The following PPP2R2B variants were observed in gnomAD, a reference collection of about 807,000 sequenced individuals.
PPP2R2B encodes serine/threonine-protein phosphatase 2A 55 kDa regulatory subunit B beta isoform.
Under a neutral mutation model 46.0 loss-of-function variants are expected in PPP2R2B, and 5 were observed. The observed-to-expected ratio is 0.11, with a 90% CI of 0.06 to 0.23. The LOEUF (loss-of-function observed/expected upper bound fraction) is 0.23. Ranked by LOEUF, PPP2R2B falls within the 10% of genes least tolerant of loss-of-function variation. The probability of loss-of-function intolerance (pLI) is 1.00; values close to 1 mark genes in which losing one functional copy is unlikely to be tolerated. For synonymous variants in PPP2R2B, 215 were observed against 206.7 expected (o/e 1.04, Z -0.34); for missense variants, 367 against 575.0 (o/e 0.64, Z 3.70).
At chr5:146,736,315 G>A (rs550948736) in intron 2 of PPP2R2B, among the ~76,000 whole-genome samples, 44 of 152,268 alleles carry the variant, frequency 2.9e-4, no homozygotes, top group African/African-American at 8.9e-4. Flanking sequence ...TTAGCAGCGT[G>A]AGAACAGACT....
chr5:147,002,397 C>T (rs1013725496), intron 1 of PPP2R2B, among the ~76,000 whole-genome samples: 4 of 152,168 alleles, frequency 2.6e-5, no homozygotes, highest in Non-Finnish European at 5.9e-5. Context: ...ACTCTTCCAA[C>T]TCTGGAGATC....
At chr5:146,592,291 A>C (rs1423396071) in intron 9 of PPP2R2B, 1 of 233,500 alleles carries the variant, frequency 4.3e-6, no homozygotes, top group African/African-American at 2.4e-5. Flanking sequence ...GAAAGCTTGA[A>C]TCTCTGAATG....
At chr5:146,912,406 G>T (rs947790248) in intron 1 of PPP2R2B, among the ~76,000 whole-genome samples, 5 of 152,108 alleles carry the variant, frequency 3.3e-5, no homozygotes, top group Non-Finnish European at 7.3e-5. Context: ...AGTGGGGAGA[G>T]AGTGAGCATT....
At chr5:146,959,121 G>C (rs1460840814) in intron 1 of PPP2R2B, among the ~76,000 whole-genome samples, 1 of 152,178 alleles carries the variant, frequency 6.6e-6, no homozygotes, top group Non-Finnish European at 1.5e-5. Flanking sequence ...ATTTAGTTCA[G>C]AGGGAGAGTA....
chr5:146,618,110 A>G (rs1205674533), intron 7 of PPP2R2B, among the ~76,000 whole-genome samples: 1 of 152,216 alleles, frequency 6.6e-6, no homozygotes, highest in Non-Finnish European at 1.5e-5. Flanking sequence ...ACAAGGGGGA[A>G]TTAAGGTTGC....
chr5:146,901,595 A>T (rs1171193339), intron 1 of PPP2R2B, among the ~76,000 whole-genome samples: 2 of 152,100 alleles, frequency 1.3e-5, no homozygotes, highest in Non-Finnish European at 2.9e-5. Context: ...TCATGAAACA[A>T]ATATTCATTA....
In PPP2R2B at chr5:146,650,664, T is replaced by C; in HGVS notation, c.508A>G (p.Asn170Asp). The change falls in exon 6 of 10, where the codon AAC becomes GAC. Residue 170 changes from asparagine (N) to aspartate (D), a missense_variant. Physicochemically the swap from Asn to Asp is conservative, Grantham distance 23. Coordinates refer to ENST00000394411, the MANE Select transcript of PPP2R2B (RefSeq NM_181675.4). ...GAGTTGATGTGATATGTGTGTGCGT[T>C]GGCAAATACTCTTCGTGGGGTGGCC... ...VEATPRRVFA[N>D]AHTYHINSIS... The C allele has an allele frequency of 6.2e-7, 1 of 1,614,068 alleles. No homozygotes were observed. The highest frequency in any genetic ancestry group is 1.3e-5 in the African/African-American group (1 of 75,050).
chr5:146,721,852 C>T (rs888070278), intron 2 of PPP2R2B, among the ~76,000 whole-genome samples: 3 of 152,150 alleles, frequency 2.0e-5, no homozygotes, highest in African/African-American at 7.2e-5. Context: ...TACTGCTCTC[C>T]CATTCTCATA....
At chr5:146,815,576 T>C (rs1757881940) in intron 2 of PPP2R2B, among the ~76,000 whole-genome samples, 1 of 152,234 alleles carries the variant, frequency 6.6e-6, no homozygotes, top group African/African-American at 2.4e-5. Context: ...GCGTGGCTTG[T>C]GGCTAATTGA....
At chr5:146,595,152 C>T (rs1459831046) in intron 8 of PPP2R2B, among the ~76,000 whole-genome samples, 1 of 152,184 alleles carries the variant, frequency 6.6e-6, no homozygotes, top group Non-Finnish European at 1.5e-5. Flanking sequence ...GTAACAGCTT[C>T]AGTGCTTTGG....
chr5:146,757,228 T>A (rs539824010), intron 2 of PPP2R2B, among the ~76,000 whole-genome samples: 2 of 152,172 alleles, frequency 1.3e-5, no homozygotes, highest in Admixed American at 1.3e-4. Context: ...ATGTGACAGT[T>A]TTGTGCTGTG....
At chr5:146,864,282 A>C (rs571420557) in intron 2 of PPP2R2B, among the ~76,000 whole-genome samples, 1 of 151,464 alleles carries the variant, frequency 6.6e-6, no homozygotes, top group African/African-American at 2.4e-5. Context: ...CAATAGTGCC[A>C]GTTTTGGGAG....
In PPP2R2B at chr5:146,991,610, T is replaced by C. The variant is rs531882439; in HGVS notation, c.79+64055A>G. 9.2e-5 allele frequency among the ~76,000 whole-genome samples: 14 copies of C among 152,276 alleles called. No individual in the cohort carries two copies. In the South Asian group the frequency reaches 2.9e-3, roughly 32 times the overall value. On this transcript the variant is annotated intron_variant, in intron 1 of 8. Transcript: ENST00000336640. ...GTCACCACAAAGAAATGAAAAATGTTTAAAGTAATGGATATAATACTTTAC... is the reference window on the plus strand; with the variant it reads ...GTCACCACAAAGAAATGAAAAATGTCTAAAGTAATGGATATAATACTTTAC...
intron 2 of PPP2R2B, among the ~76,000 whole-genome samples, chr5:146,737,616 A>C (rs1752617385): frequency 6.6e-6 from 1 of 152,172 alleles, no homozygotes; most frequent in Admixed American, 6.5e-5. Context: ...CCACATTAGT[A>C]ATATACTAAT....
In PPP2R2B at chr5:146,889,480, G is replaced by A. The variant is rs1762426790; in HGVS notation, c.79+166185C>T. Among the ~76,000 whole-genome samples, 4 of 152,238 alleles carry A rather than the reference G, an allele frequency of 2.6e-5. No individual in the cohort carries two copies. In the South Asian group the frequency reaches 8.3e-4, roughly 32 times the overall value. On this transcript the variant is annotated intron_variant, in intron 1 of 8. Coordinates refer to the PPP2R2B transcript ENST00000336640. Reference sequence around the variant, plus strand: ...CTCTAATAAAAACTCTAAATACGAGGTTCAGATAAGTTTCTTTGGTTGACA... The same window carrying A: ...CTCTAATAAAAACTCTAAATACGAGATTCAGATAAGTTTCTTTGGTTGACA...
intron 1 of PPP2R2B, among the ~76,000 whole-genome samples, chr5:146,921,035 G>A (rs1371250322): frequency 1.3e-5 from 2 of 152,160 alleles, no homozygotes; most frequent in African/African-American, 4.8e-5. Context: ...GGTACAGTAT[G>A]TTGTCTCTGG....
intron 2 of PPP2R2B, among the ~76,000 whole-genome samples, chr5:146,757,275 G>A (rs943468855): frequency 3.3e-5 from 5 of 152,004 alleles, no homozygotes; most frequent in Non-Finnish European, 5.9e-5. Flanking sequence ...GAAGTAGAGC[G>A]GGAACATGGT....
intron 5 of PPP2R2B, among the ~76,000 whole-genome samples, chr5:146,682,161 C>T (rs374406133): frequency 6.6e-6 from 1 of 152,204 alleles, no homozygotes; most frequent in South Asian, 2.1e-4. Flanking sequence ...AACAAAGGTA[C>T]CTTTGGGATG....
chr5:146,680,687 G>C (rs920135372), intron 5 of PPP2R2B, among the ~76,000 whole-genome samples: 3 of 152,140 alleles, frequency 2.0e-5, no homozygotes, highest in African/African-American at 7.2e-5. Context: ...GTGTGAGACA[G>C]TGTGTGTATG....
Sources: gnomAD v4.1 joint callset for allele counts (sites outside exome capture counted in the v4.1 genomes callset) on GRCh38, gnomAD v4.1.1 for gene constraint, MANE v1.5 for transcripts, NCBI Gene and HGNC (gene_info 2026-07-23, HGNC 2026-07-21) for gene names.